The following CNOT4 variants were observed in gnomAD, a reference collection of about 807,000 sequenced individuals.
CNOT4 encodes the protein CCR4-associated factor 4.
A neutral mutation model predicts 73.8 loss-of-function variants in CNOT4; 8 were observed. The observed-to-expected ratio is 0.11, with a 90% CI of 0.06 to 0.20. CNOT4 has a LOEUF of 0.20. Among genes scored for constraint, CNOT4 ranks in the 10% least tolerant of loss-of-function variants. The pLI, the probability that CNOT4 is intolerant of heterozygous loss-of-function variation, is 1.00. For synonymous variants in CNOT4, 293 were observed against 321.1 expected (o/e 0.91, Z 0.94); for missense variants, 564 against 883.4 (o/e 0.64, Z 4.58).
At chr7:135,413,711 A>G (rs1444154065) in intron 5 of CNOT4, 98 bp from the exon 6 acceptor site, 1 of 1,190,734 alleles carries the variant, frequency 8.4e-7, no homozygotes, top group Non-Finnish European at 1.2e-6. Flanking sequence ...ACCTAAAATG[A>G]GGCACAAACA....
At chr7:135,472,613 G>A (rs1452010538) in intron 1 of CNOT4, among the ~76,000 whole-genome samples, 17 of 122,086 alleles carry the variant, frequency 1.4e-4, no homozygotes, top group African/African-American at 3.1e-4. Flanking sequence ...TAACCCTTTC[G>A]AATTGTCCCT....
intron 1 of CNOT4, among the ~76,000 whole-genome samples, chr7:135,491,289 G>A (rs1803093577): frequency 6.6e-6 from 1 of 152,232 alleles, no homozygotes; most frequent in Non-Finnish European, 1.5e-5. Context: ...AGATTGCTAA[G>A]GGAATGAGCA....
Position 135,363,211 on chromosome 7 carries a change from G to A in CNOT4, c.1841-25C>T, listed in dbSNP as rs1338050929. The A allele has an allele frequency of 3.1e-6, 5 of 1,605,898 alleles. No homozygotes were observed. In the East Asian group the frequency reaches 1.1e-4, roughly 36 times the overall value. ...CCTAAGGAGAGAAAAGAAAAAAGAGGGAAAATGGTGAGTTTGTGTGGAAAG... is the reference window on the plus strand; with the variant it reads ...CCTAAGGAGAGAAAAGAAAAAAGAGAGAAAATGGTGAGTTTGTGTGGAAAG... On this transcript the variant is annotated intron_variant, in intron 11 of 11. Coordinates refer to ENST00000541284, the MANE Select transcript of CNOT4 (RefSeq NM_001190850.2). The surrounding 1 kb of genome is among the most constrained non-coding windows in gnomAD (Gnocchi z 4.3).
At chr7:135,376,575 T>G (rs974345086) in intron 10 of CNOT4, among the ~76,000 whole-genome samples, 4 of 152,220 alleles carry the variant, frequency 2.6e-5, no homozygotes, top group Non-Finnish European at 5.9e-5. Context: ...TATGGTTATA[T>G]ACCTATTGAA....
intron 7 of CNOT4, among the ~76,000 whole-genome samples, chr7:135,399,762 CAG>C (rs1294844653): frequency 4.6e-5 from 7 of 152,016 alleles, no homozygotes; most frequent in Non-Finnish European, 7.4e-5. Context: ...TATAAGCAAA[CAG>C]ATTTGAAATT....
Position 135,422,349 on chromosome 7 carries a change from T to A in CNOT4, c.179A>T (p.Tyr60Phe). Residue 60 changes from tyrosine (Y) to phenylalanine (F), a missense_variant, in exon 3 of 12, where the codon TAT becomes TTT. Around this residue, in one of 10 missense-constraint regions of CNOT4, gnomAD observed 76 missense variants for 208.7 expected, o/e 0.36. Transcript: ENST00000541284. ...TTTATAAACTGCTGGGTCTTCTGGA[T>A]ATGGCTTTAAGCATGAAACAAACAT... Reference protein sequence around the residue: ...NGLCPACRKPYPEDPAVYKPL... With the variant: ...NGLCPACRKPFPEDPAVYKPL... 2 of 1,434,496 alleles carry A rather than the reference T, an allele frequency of 1.4e-6. No homozygotes were observed. The highest frequency in any genetic ancestry group is 2.0e-6 in the Non-Finnish European group (2 of 1,017,034). The allele number at this position is 1,434,496 out of a possible 1,614,324, so 88.9% of individuals were successfully genotyped here.
chr7:135,478,972 A>G (rs561188930), intron 1 of CNOT4, among the ~76,000 whole-genome samples: 1 of 152,274 alleles, frequency 6.6e-6, no homozygotes, highest in Non-Finnish European at 1.5e-5. Flanking sequence ...GACCATATCT[A>G]TTTAAAAAAA....
chr7:135,390,735 T>G (rs535814836), intron 10 of CNOT4, among the ~76,000 whole-genome samples: 9 of 152,266 alleles, frequency 5.9e-5, no homozygotes, highest in African/African-American at 1.7e-4. Flanking sequence ...AATAAAAATT[T>G]AAGTACAAAT....
chr7:135,378,745 G>T (rs1204040572), intron 10 of CNOT4, among the ~76,000 whole-genome samples: 4 of 152,044 alleles, frequency 2.6e-5, no homozygotes, highest in Non-Finnish European at 5.9e-5. Flanking sequence ...CAGCACTTTT[G>T]GTGGCCAAGG....
chr7:135,456,124 T>C (rs1022553204), intron 1 of CNOT4, among the ~76,000 whole-genome samples: 8 of 152,232 alleles, frequency 5.3e-5, no homozygotes, highest in Non-Finnish European at 1.2e-4. Flanking sequence ...CTCTACTGCT[T>C]AAATGCAAAG....
intron 7 of CNOT4, among the ~76,000 whole-genome samples, chr7:135,406,564 G>A (rs1423334989): frequency 6.6e-6 from 1 of 152,052 alleles, no homozygotes; most frequent in African/African-American, 2.4e-5. Context: ...AGAAGGCTGA[G>A]GTGGGATGAT....
At chr7:135,385,687 G>A (rs994336829) in intron 10 of CNOT4, among the ~76,000 whole-genome samples, 2 of 152,104 alleles carry the variant, frequency 1.3e-5, no homozygotes, top group Non-Finnish European at 2.9e-5. Context: ...TGAAATATAA[G>A]TATTCAATAC....
At chr7:135,427,886 G>A (rs1798593946) in intron 2 of CNOT4, among the ~76,000 whole-genome samples, 1 of 152,168 alleles carries the variant, frequency 6.6e-6, no homozygotes, top group African/African-American at 2.4e-5. Context: ...ATGGGGTAGG[G>A]AGAGAAAGAG....
chr7:135,472,615 A>T (rs1288796134), intron 1 of CNOT4, among the ~76,000 whole-genome samples: 2 of 134,400 alleles, frequency 1.5e-5, no homozygotes, highest in African/African-American at 5.6e-5. Flanking sequence ...ACCCTTTCGA[A>T]TTGTCCCTAA....
rs980462579 is a variant in CNOT4 at position 135,492,056 on chromosome 7, C to T, written c.-93+17833G>A. 3.9e-5 allele frequency among the ~76,000 whole-genome samples: 6 copies of T among 152,252 alleles called. 2 individuals carry two copies. The Middle Eastern group carries it at 0.02, about 518-fold the overall frequency. On this transcript the variant is annotated intron_variant, in intron 1 of 11. Coordinates refer to ENST00000541284, the MANE Select transcript of CNOT4 (RefSeq NM_001190850.2). ...GAGTCTGTAAGTGTTCTTCTGACTG[C>T]TTGCATCTCACAATGAAGTAGAAAT... is the stretch of plus-strand genomic sequence containing the variant.
chr7:135,399,667 G>A (rs1796899850), intron 7 of CNOT4, among the ~76,000 whole-genome samples: 1 of 151,818 alleles, frequency 6.6e-6, no homozygotes, highest in Admixed American at 6.6e-5. Context: ...ATATTTAATT[G>A]CTCTAAAAAA....
intron 1 of CNOT4, among the ~76,000 whole-genome samples, chr7:135,495,713 AGAAAGAAAGAAAGAAAGAAAGAAAG>A: frequency 1.1e-5 from 1 of 93,086 alleles, no homozygotes; most frequent in Non-Finnish European, 2.6e-5. Context: ...AAAGAAAGAA[AGAAAGAAAGAAAGAAAGAAAGAAAG>A]AAAGAAAGAA....
At chr7:135,455,640 T>C (rs1362655750) in intron 1 of CNOT4, among the ~76,000 whole-genome samples, 1 of 151,762 alleles carries the variant, frequency 6.6e-6, no homozygotes, top group Non-Finnish European at 1.5e-5. Flanking sequence ...TTTTGGAGGC[T>C]GAGGCGGGCA....
chr7:135,386,754 G>A (rs1336786574), intron 10 of CNOT4: 1 of 152,202 alleles, frequency 6.6e-6, no homozygotes, highest in Admixed American at 6.5e-5. Context: ...GCATGTAAGT[G>A]GGGGTGGGGA....
Sources: allele counts gnomAD v4.1 joint callset (sites outside exome capture counted in the v4.1 genomes callset), GRCh38; gene constraint gnomAD v4.1.1; regional missense constraint gnomAD v4.1.1; non-coding constraint Gnocchi (gnomAD v3.1); transcripts MANE v1.5; gene names NCBI Gene and HGNC (gene_info 2026-07-23, HGNC 2026-07-21).